The following SH3RF3 variants were observed in gnomAD, a reference collection of about 807,000 sequenced individuals.
SH3RF3 encodes SH3 domain containing ring finger 3.
In SH3RF3, 29 loss-of-function variants were observed where a neutral mutation model predicts 66.3. The observed-to-expected ratio is 0.44, with a 90% CI of 0.33 to 0.60. SH3RF3 has a LOEUF of 0.60. SH3RF3 is among the 20% of genes least tolerant of loss of function. The pLI is 0.04. For missense variants in SH3RF3, 1,194 were observed against 1,190.9 expected (o/e 1.00, Z -0.04); for synonymous variants, 583 against 532.0 (o/e 1.10, Z -1.32).
At chr2:109,315,808 C>T (rs1483478545) in intron 1 of SH3RF3, among the ~76,000 whole-genome samples, 3 of 152,258 alleles carry the variant, frequency 2.0e-5, no homozygotes, top group Non-Finnish European at 2.9e-5. Flanking sequence ...GAAGGGACGT[C>T]GTCGCTTTTC....
Position 109,432,565 on chromosome 2 carries a change from A to G in SH3RF3, c.1468A>G (p.Met490Val). 3.1e-6 allele frequency: 5 copies of G among 1,613,636 alleles called. No individual in the cohort carries two copies. Among genetic ancestry groups the G allele is most frequent in the East Asian group, 2.2e-5 (1 of 44,876 alleles). Residue 490 changes from methionine (M) to valine (V), a missense_variant, in exon 6 of 10, where the codon ATG (methionine) becomes GTG (valine). By Grantham distance (21) the Met-to-Val change is conservative (BLOSUM62 1). Coordinates refer to ENST00000309415, the MANE Select transcript of SH3RF3 (RefSeq NM_001099289.3). ...CGAGCTGGAGCTGCACAAGGGAGAGATGTACCGGGTCCTCGAGAAGTGTCA... is the reference window on the plus strand; with the variant it reads ...CGAGCTGGAGCTGCACAAGGGAGAGGTGTACCGGGTCCTCGAGAAGTGTCA... ...SDELELHKGEMYRVLEKCQDG... is the reference protein window; with the variant it reads ...SDELELHKGEVYRVLEKCQDG...
At chr2:109,496,966 G>T (rs745693110) in intron 9 of SH3RF3, among the ~76,000 whole-genome samples, 1 of 152,280 alleles carries the variant, frequency 6.6e-6, no homozygotes, top group Non-Finnish European at 1.5e-5. Context: ...GGAGGAAGAA[G>T]CCTCCAGAGA....
chr2:109,439,628 T>C (rs1473353813), intron 7 of SH3RF3, among the ~76,000 whole-genome samples: 1 of 152,170 alleles, frequency 6.6e-6, no homozygotes, highest in Non-Finnish European at 1.5e-5. Flanking sequence ...ATGTAACTCC[T>C]TTCCCAAAGG....
At chr2:109,225,534 T>C (rs1679354734) in intron 1 of SH3RF3, among the ~76,000 whole-genome samples, 1 of 152,248 alleles carries the variant, frequency 6.6e-6, no homozygotes, top group South Asian at 2.1e-4. Context: ...ATGTGGAGTT[T>C]TCTCCTGAGA....
intron 1 of SH3RF3, among the ~76,000 whole-genome samples, chr2:109,282,198 G>C (rs1680912058): frequency 6.6e-6 from 1 of 152,148 alleles, no homozygotes; most frequent in South Asian, 2.1e-4. Context: ...GTTGCCATGA[G>C]TGTTTATTGG....
chr2:109,175,847 C>T (rs1034834017), intron 1 of SH3RF3, among the ~76,000 whole-genome samples: 1 of 152,158 alleles, frequency 6.6e-6, no homozygotes, highest in Non-Finnish European at 1.5e-5. Context: ...GTTTTTTAAA[C>T]ATGTCTTTTA....
chr2:109,230,365 C>T (rs1294041775), intron 1 of SH3RF3, among the ~76,000 whole-genome samples: 1 of 151,898 alleles, frequency 6.6e-6, no homozygotes, highest in South Asian at 2.1e-4. Context: ...TCTCTTGAGG[C>T]CAGGAGTTTG....
At chr2:109,305,966 C>T (rs1027514404) in intron 1 of SH3RF3, among the ~76,000 whole-genome samples, 5 of 152,316 alleles carry the variant, frequency 3.3e-5, no homozygotes, top group East Asian at 3.9e-4. Context: ...TCATTCAGCA[C>T]GGTATTTAGT....
At chr2:109,156,488 C>G (rs1296789539) in intron 1 of SH3RF3, among the ~76,000 whole-genome samples, 3 of 151,804 alleles carry the variant, frequency 2.0e-5, no homozygotes, top group Non-Finnish European at 4.4e-5. Context: ...TCTTGTTGTC[C>G]AGGCTGGAGT....
chr2:109,215,682 T>G lies in SH3RF3; in HGVS notation c.573+85569T>G, dbSNP rs955514446. On this transcript the variant is annotated intron_variant, in intron 1 of 9. Transcript: ENST00000309415. ...ACGATTTTACTGAGAAGCTGCTGCT[T>G]CTGGAATCCTACACCCAGACCGTGT... Among the ~76,000 whole-genome samples the G allele has an allele frequency of 1.6e-4, 24 of 152,130 alleles. 1 individual carries two copies. The highest frequency in any genetic ancestry group is 8.5e-4 in the Admixed American group (13 of 15,270).
At chr2:109,497,719 G>T (rs1450678777) in intron 9 of SH3RF3, among the ~76,000 whole-genome samples, 4 of 152,194 alleles carry the variant, frequency 2.6e-5, no homozygotes, top group Non-Finnish European at 4.4e-5. Context: ...TTAAACACTT[G>T]TCTCGTATAA....
intron 5 of SH3RF3, among the ~76,000 whole-genome samples, chr2:109,420,869 C>T (rs1329555505): frequency 6.6e-6 from 1 of 152,210 alleles, no homozygotes; most frequent in Non-Finnish European, 1.5e-5. Context: ...AAACACCAGC[C>T]TTTCTTAAGT....
chr2:109,156,537 CT>C (rs1677349961), intron 1 of SH3RF3, among the ~76,000 whole-genome samples: 1 of 152,010 alleles, frequency 6.6e-6, no homozygotes, highest in Non-Finnish European at 1.5e-5. Context: ...CCTTTACCTC[CT>C]GAGTTCAAGC....
chr2:109,433,188 G>A (rs1245850957), intron 6 of SH3RF3, among the ~76,000 whole-genome samples: 1 of 152,198 alleles, frequency 6.6e-6, no homozygotes, highest in Non-Finnish European at 1.5e-5. Flanking sequence ...TGTATGCAGT[G>A]TGTATGCATG....
At chr2:109,225,256 G>C (rs1413785776) in intron 1 of SH3RF3, among the ~76,000 whole-genome samples, 1 of 151,838 alleles carries the variant, frequency 6.6e-6, no homozygotes, top group Non-Finnish European at 1.5e-5. Context: ...TAATAATAAA[G>C]AAGGCTTATT....
At chr2:109,431,801 A>G (rs1319753112) in intron 5 of SH3RF3, among the ~76,000 whole-genome samples, 2 of 152,056 alleles carry the variant, frequency 1.3e-5, no homozygotes, top group Non-Finnish European at 2.9e-5. Flanking sequence ...AGCCCAGGCC[A>G]TTGAGGCTGC....
intron 1 of SH3RF3, among the ~76,000 whole-genome samples, chr2:109,180,272 C>T (rs1469804825): frequency 6.6e-6 from 1 of 152,204 alleles, no homozygotes; most frequent in Non-Finnish European, 1.5e-5. Context: ...ACAATCTCTG[C>T]TTCTCTCTGA....
chr2:109,497,250 C>A (rs906352674), intron 9 of SH3RF3, among the ~76,000 whole-genome samples: 1 of 152,200 alleles, frequency 6.6e-6, no homozygotes, highest in African/African-American at 2.4e-5. Context: ...CTAGCAGACA[C>A]CACTCTGTTA....
intron 2 of SH3RF3, among the ~76,000 whole-genome samples, chr2:109,363,357 C>T (rs112419537): frequency 0.018 from 2,747 of 152,158 alleles, 80 homozygotes; most frequent in African/African-American, 0.057. Context: ...CAAAATAATA[C>T]TTATTTCTCC....
Sources: allele counts gnomAD v4.1 joint callset (sites outside exome capture counted in the v4.1 genomes callset), GRCh38; gene constraint gnomAD v4.1.1; transcripts MANE v1.5; gene names NCBI Gene and HGNC (gene_info 2026-07-23, HGNC 2026-07-21).